Variants in CHMP5 observed in about 807,000 individuals in gnomAD.
CHMP5 encodes SNF7 domain containing 2.
Under a neutral mutation model 33.0 loss-of-function variants are expected in CHMP5, and 17 were observed. That is an observed-to-expected ratio of 0.52 (90% CI 0.35 to 0.77). CHMP5 has a LOEUF of 0.77. CHMP5 is among the 30% of genes least tolerant of loss of function. The pLI is 0.01. For missense variants in CHMP5, 216 were observed against 261.5 expected, an observed-to-expected ratio of 0.83 and a Z score of 1.20; for synonymous variants, 76 against 90.2, an observed-to-expected ratio of 0.84 and a Z score of 0.89.
intron 1 of CHMP5, among the ~76,000 whole-genome samples, chr9:33,265,472 G>T (rs553737089): frequency 5.9e-4 from 90 of 151,974 alleles, no homozygotes; most frequent in Non-Finnish European, 1.1e-3. Flanking sequence ...ACCTCATCCT[G>T]CCTGATCCCT....
chr9:33,265,978 A>T, intron 1 of CHMP5, 32 bp from the exon 2 acceptor site: 1 of 1,403,456 alleles, frequency 7.1e-7, no homozygotes, highest in Non-Finnish European at 1.0e-6. Context: ...GTATTGCAGT[A>T]ACTACCAGTG....
chr9:33,274,123 T>TG (rs1012541565), intron 5 of CHMP5, among the ~76,000 whole-genome samples: 1 of 152,106 alleles, frequency 6.6e-6, no homozygotes, highest in African/African-American at 2.4e-5. Flanking sequence ...TTGCCTAGGC[T>TG]GGATTATAGT....
chr9:33,277,837 A>AT lies in CHMP5; in HGVS notation c.497-268dup, dbSNP rs532476075. On this transcript the variant is annotated intron_variant, in intron 6 of 7. Coordinates refer to ENST00000223500, the MANE Select transcript of CHMP5 (RefSeq NM_016410.6). ...GGTCTATTTTTGCCTAGAACCTTTC[A>AT]TTTTTTTTCCACTTATTTCTTTATT... is the stretch of plus-strand genomic sequence containing the variant. 2.2e-3 allele frequency: 611 copies of AT among 281,712 alleles called. 16 individuals are homozygous for AT. In the South Asian group the frequency reaches 0.032, roughly 15 times the overall value. The allele number at this position is 281,712 out of a possible 1,614,324, so 17.5% of individuals were successfully genotyped here.
chr9:33,276,611 G>A (rs1820858190), intron 6 of CHMP5, 47 bp downstream of exon 6: 1 of 1,008,066 alleles, frequency 9.9e-7, no homozygotes. Flanking sequence ...GAGTCCAAAA[G>A]CAACAGCTGC....
At chr9:33,278,052 A>T in intron 6 of CHMP5, 61 bp from the exon 7 acceptor site, 1 of 1,080,034 alleles carries the variant, frequency 9.3e-7, no homozygotes. Context: ...AATGAGAGAA[A>T]TTATTAGCTG....
At chr9:33,265,916 T>A in intron 1 of CHMP5, 94 bp from the exon 2 acceptor site, 1 of 734,634 alleles carries the variant, frequency 1.4e-6, no homozygotes, top group South Asian at 1.7e-5. Flanking sequence ...CTTAAGCTCC[T>A]CTTTTCTTCC....
At chr9:33,277,297 T>A (rs1001504287) in intron 6 of CHMP5, among the ~76,000 whole-genome samples, 1 of 151,258 alleles carries the variant, frequency 6.6e-6, no homozygotes, top group Non-Finnish European at 1.5e-5. Flanking sequence ...TGAATAAAAA[T>A]GCAGCCCCTA....
chr9:33,270,295 G>T (rs1307020800), intron 3 of CHMP5, among the ~76,000 whole-genome samples: 1 of 152,188 alleles, frequency 6.6e-6, no homozygotes, highest in African/African-American at 2.4e-5. Flanking sequence ...TGAATAGTGG[G>T]CTATACCACC....
intron 2 of CHMP5, 99 bp downstream of exon 2, chr9:33,266,213 A>G: frequency 1.5e-6 from 1 of 680,452 alleles, no homozygotes; most frequent in Non-Finnish European, 2.5e-6. Flanking sequence ...TGGCTCATGC[A>G]TGTAATCCCA....
chr9:33,278,065 A>C, intron 6 of CHMP5, 48 bp from the exon 7 acceptor site: 1 of 1,226,626 alleles, frequency 8.2e-7, no homozygotes, highest in Non-Finnish European at 1.2e-6. Flanking sequence ...ATTAGCTGCC[A>C]GTTTTCTTGG....
At chr9:33,269,802 C>T (rs1334960627) in intron 3 of CHMP5, among the ~76,000 whole-genome samples, 1 of 151,920 alleles carries the variant, frequency 6.6e-6, no homozygotes, top group Non-Finnish European at 1.5e-5. Flanking sequence ...TGGAAGAACC[C>T]GTCTCTACTA....
Position 33,278,106 on chromosome 9 carries a change from A to G in CHMP5, c.497-7A>G, listed in dbSNP as rs1820876452. The G allele has an allele frequency of 1.9e-6, 3 of 1,575,722 alleles. No homozygotes were observed. The highest frequency in any genetic ancestry group is 1.7e-6 in the Non-Finnish European group (2 of 1,149,320). On this transcript the variant is annotated splice_polypyrimidine_tract_variant and splice_region_variant and intron_variant, in intron 6 of 7. Transcript: ENST00000223500. ...TTTTTTTTAAATGTTGACTGTTTCA[A>G]TCTCAGAGTTGGATGCACTAGGTGA...
chr9:33,270,973 C>G (rs1374109314), intron 4 of CHMP5, among the ~76,000 whole-genome samples, 179 bp from the exon 5 acceptor site: 1 of 151,952 alleles, frequency 6.6e-6, no homozygotes, highest in Non-Finnish European at 1.5e-5. Flanking sequence ...TCCCAGCTAC[C>G]TGGGAGTCTG....
intron 2 of CHMP5, 122 bp from the exon 3 acceptor site, chr9:33,267,731 C>T: frequency 1.5e-6 from 1 of 667,920 alleles, no homozygotes; most frequent in African/African-American, 1.8e-5. Context: ...ATCCAGGAGC[C>T]ATTATGCCTA....
At chr9:33,268,668 C>T (rs539232651) in intron 3 of CHMP5, among the ~76,000 whole-genome samples, 41 of 152,212 alleles carry the variant, frequency 2.7e-4, no homozygotes, top group Admixed American at 1.9e-3. Context: ...AATGATTTAC[C>T]TTCTTAATTG....
At chr9:33,273,601 T>C (rs962142635) in intron 5 of CHMP5, among the ~76,000 whole-genome samples, 6 of 152,204 alleles carry the variant, frequency 3.9e-5, no homozygotes, top group Admixed American at 3.9e-4. Flanking sequence ...ACTTAGAAAA[T>C]ATTTTCATTG....
chr9:33,274,409 T>C (rs898003406), intron 5 of CHMP5, among the ~76,000 whole-genome samples: 1 of 152,200 alleles, frequency 6.6e-6, no homozygotes, highest in Admixed American at 6.5e-5. Flanking sequence ...TTAGAAATTC[T>C]GAAGGATAAA....
chr9:33,278,010 C>A, intron 6 of CHMP5, 103 bp from the exon 7 acceptor site: 2 of 705,426 alleles, frequency 2.8e-6, no homozygotes. Flanking sequence ...ATCTCATGCC[C>A]TCTTCACTGC....
chr9:33,274,573 G>A (rs1820830974), intron 5 of CHMP5, among the ~76,000 whole-genome samples: 1 of 152,194 alleles, frequency 6.6e-6, no homozygotes, highest in South Asian at 2.1e-4. Context: ...ATATATTATT[G>A]CAATAAATCC....
Sources: gnomAD v4.1 joint callset for allele counts (sites outside exome capture counted in the v4.1 genomes callset) on GRCh38, gnomAD v4.1.1 for gene constraint, MANE v1.5 for transcripts, NCBI Gene and HGNC (gene_info 2026-07-23, HGNC 2026-07-21) for gene names.